WDR7: variants seen among roughly 807,000 people sequenced by gnomAD.
WDR7 encodes the protein WD repeat domain 7.
In WDR7, 46 loss-of-function variants were observed where a neutral mutation model predicts 169.4. The observed-to-expected ratio is 0.27, with a 90% CI of 0.21 to 0.35. The LOEUF is 0.35. Among genes scored for constraint, WDR7 ranks in the 10% least tolerant of loss-of-function variants. The probability of loss-of-function intolerance (pLI) is 1.00; values close to 1 mark genes in which losing one functional copy is unlikely to be tolerated. For missense variants in WDR7, 1,534 were observed against 1,859.3 expected (o/e 0.83, Z 3.22); for synonymous variants, 612 against 666.8 (o/e 0.92, Z 1.27).
intron 26 of WDR7, among the ~76,000 whole-genome samples, chr18:56,968,304 T>A (rs920645820): frequency 1.3e-5 from 2 of 152,154 alleles, no homozygotes; most frequent in Non-Finnish European, 1.5e-5. Context: ...ACTAAAAAAC[T>A]CTGAGGCTTT....
intron 21 of WDR7, among the ~76,000 whole-genome samples, chr18:56,915,014 A>G (rs549653246): frequency 1.3e-5 from 2 of 152,332 alleles, no homozygotes; most frequent in East Asian, 1.9e-4. Flanking sequence ...TGTTTTGATT[A>G]AACTGATGTT....
intron 20 of WDR7, among the ~76,000 whole-genome samples, chr18:56,822,600 A>G (rs1448867149): frequency 6.6e-6 from 1 of 152,232 alleles, no homozygotes; most frequent in Non-Finnish European, 1.5e-5. Flanking sequence ...AACTAGAATA[A>G]GAGACTTCCA....
intron 3 of WDR7, 81 bp from the exon 4 acceptor site, chr18:56,681,232 A>G: frequency 1.0e-6 from 1 of 959,598 alleles, no homozygotes; most frequent in South Asian, 1.5e-5. Flanking sequence ...TTAATGGAAG[A>G]TTAATTTTAA....
At chr18:56,778,443 G>A (rs957880878) in intron 17 of WDR7, among the ~76,000 whole-genome samples, 1 of 152,068 alleles carries the variant, frequency 6.6e-6, no homozygotes, top group African/African-American at 2.4e-5. Flanking sequence ...TCCCTAGGAG[G>A]TAATGGTAAT....
chr18:56,677,316 C>T (rs560408901), intron 2 of WDR7, among the ~76,000 whole-genome samples: 14 of 152,278 alleles, frequency 9.2e-5, no homozygotes, highest in African/African-American at 3.1e-4. Context: ...AAGATTTCCA[C>T]TGAAAAGTCT....
rs386387798 is a variant in WDR7, at chr18:56,820,339, C to CAAAAAAAA, written c.3304+4213_3304+4220dup. Reference sequence around the variant, plus strand: ...AAGGGTCAAGAGTCACTGACATTGTCAAAAAAAAAAAAAAAAAAAAAAAAA... The same window carrying CAAAAAAAA: ...AAGGGTCAAGAGTCACTGACATTGTCAAAAAAAAAAAAAAAAAAAAAAAAAAAAAAAAA... On this transcript the variant is annotated intron_variant, in intron 20 of 27. Transcript: ENST00000254442. Among the ~76,000 whole-genome samples the CAAAAAAAA allele has an allele frequency of 1.0e-3, 44 of 42,478 alleles. 9 individuals are homozygous for CAAAAAAAA. The highest frequency in any genetic ancestry group is 3.7e-3 in the African/African-American group (30 of 8,006). The allele number at this position is 42,478 out of a possible 152,430, so 27.9% of individuals were successfully genotyped here.
chr18:56,810,775 G>A (rs567016092), intron 19 of WDR7, among the ~76,000 whole-genome samples: 1 of 152,228 alleles, frequency 6.6e-6, no homozygotes, highest in South Asian at 2.1e-4. Flanking sequence ...TAAAAATTCA[G>A]CTTTATTGAC....
At chr18:56,783,612 A>C (rs1443323638) in intron 19 of WDR7, among the ~76,000 whole-genome samples, 2 of 152,310 alleles carry the variant, frequency 1.3e-5, no homozygotes, top group Admixed American at 6.5e-5. Flanking sequence ...AAGTAGGGAA[A>C]TTGATTAAAG....
At chr18:56,917,213 G>A (rs1276538565) in intron 21 of WDR7, among the ~76,000 whole-genome samples, 8 of 151,774 alleles carry the variant, frequency 5.3e-5, no homozygotes, top group Admixed American at 1.3e-4. Flanking sequence ...AAAAAATTCC[G>A]CGTTCTGTGT....
intron 19 of WDR7, among the ~76,000 whole-genome samples, chr18:56,805,068 G>GACTCTCACATTAATCGTCTCTGGAAAC (rs1283692719): frequency 8.5e-5 from 13 of 152,184 alleles, no homozygotes; most frequent in African/African-American, 3.1e-4. Context: ...AGTCCACTCA[G>GACTCTCACATTAATCGTCTCTGGAAAC]ACTCTCACAT....
intron 1 of WDR7, among the ~76,000 whole-genome samples, chr18:56,656,653 T>A (rs1271975011): frequency 6.6e-6 from 1 of 151,728 alleles, no homozygotes; most frequent in African/African-American, 2.4e-5. Flanking sequence ...ATTTCCCAAA[T>A]TAGCTAGTGA....
chr18:56,893,668 C>T (rs891136233), intron 21 of WDR7, among the ~76,000 whole-genome samples: 3 of 151,980 alleles, frequency 2.0e-5, no homozygotes, highest in Admixed American at 6.6e-5. Context: ...CTAGAGGACT[C>T]GAATGTTTGT....
intron 21 of WDR7, among the ~76,000 whole-genome samples, chr18:56,889,177 A>G (rs2046234020): frequency 6.6e-6 from 1 of 152,212 alleles, no homozygotes; most frequent in African/African-American, 2.4e-5. Flanking sequence ...GACTTCAGTC[A>G]TGATGGGGAG....
chr18:56,686,443 C>T (rs2025446323), intron 6 of WDR7, among the ~76,000 whole-genome samples: 1 of 151,570 alleles, frequency 6.6e-6, no homozygotes, highest in Non-Finnish European at 1.5e-5. Flanking sequence ...TTTTTTTTAT[C>T]AATGAGAAAG....
chr18:56,825,570 C>T (rs984599679), intron 20 of WDR7, among the ~76,000 whole-genome samples: 2 of 152,078 alleles, frequency 1.3e-5, no homozygotes, highest in Admixed American at 1.3e-4. Context: ...ATGACAAAGT[C>T]AGGATTTGAA....
chr18:56,873,027 CTG>C (rs1362146149), intron 20 of WDR7, among the ~76,000 whole-genome samples: 7 of 152,090 alleles, frequency 4.6e-5, no homozygotes, highest in African/African-American at 1.2e-4. Context: ...TGAGAAATTG[CTG>C]TGTTATTTTT....
chr18:56,758,849 TTTC>T lies in WDR7; in HGVS notation c.2760-10_2760-8del, dbSNP rs1325229311. ...AGTATCAAAATATATCTTGTATTTT[TTTC>T]TTCTTTTTTAAGGCCACCTAGACCA... is the stretch of plus-strand genomic sequence containing the variant. On this transcript the variant is annotated splice_polypyrimidine_tract_variant and intron_variant, in intron 15 of 27. Transcript: ENST00000254442. 6 of 1,588,084 alleles carry T rather than the reference TTTC, an allele frequency of 3.8e-6. No individual in the cohort carries two copies. In the African/African-American group the frequency reaches 8.2e-5, roughly 22 times the overall value.
intron 14 of WDR7, among the ~76,000 whole-genome samples, chr18:56,733,699 A>C (rs2026636529): frequency 6.6e-6 from 1 of 152,190 alleles, no homozygotes; most frequent in Admixed American, 6.5e-5. Flanking sequence ...TCACAGTAGA[A>C]GATCAAGAGG....
chr18:56,785,962 G>A (rs1293280317), intron 19 of WDR7, among the ~76,000 whole-genome samples: 1 of 151,826 alleles, frequency 6.6e-6, no homozygotes, highest in African/African-American at 2.4e-5. Context: ...CACCATGCCT[G>A]GCTCTCAGGA....
Sources: gnomAD v4.1 joint callset for allele counts (sites outside exome capture counted in the v4.1 genomes callset) on GRCh38, gnomAD v4.1.1 for gene constraint, MANE v1.5 for transcripts, NCBI Gene and HGNC (gene_info 2026-07-23, HGNC 2026-07-21) for gene names.